NRG1: variants seen among roughly 807,000 people sequenced by gnomAD.
NRG1 encodes neuregulin 1.
A neutral mutation model predicts 63.8 loss-of-function variants in NRG1; 18 were observed. The ratio of observed to expected loss-of-function variants is 0.28; its 90% CI spans 0.19 to 0.42. NRG1 has a LOEUF of 0.42. Ranked by LOEUF, NRG1 falls within the 10% of genes least tolerant of loss-of-function variation. The pLI is 1.00. For synonymous variants in NRG1, 302 were observed against 301.3 expected (o/e 1.00, Z -0.02); for missense variants, 762 against 814.7 (o/e 0.94, Z 0.79).
chr8:32,052,420 C>T (rs571888527), intron 1 of NRG1, among the ~76,000 whole-genome samples: 3 of 151,924 alleles, frequency 2.0e-5, no homozygotes, highest in African/African-American at 7.2e-5. Flanking sequence ...GGACTACAGG[C>T]ATGTGCCACC....
At chr8:31,824,059 G>A (rs746001420) in intron 1 of NRG1, among the ~76,000 whole-genome samples, 4 of 151,512 alleles carry the variant, frequency 2.6e-5, no homozygotes, top group Non-Finnish European at 5.9e-5. Flanking sequence ...GGGTACATGT[G>A]CACAACGTGC....
chr8:32,260,710 G>A (rs546893662), intron 1 of NRG1, among the ~76,000 whole-genome samples: 11 of 152,250 alleles, frequency 7.2e-5, no homozygotes, highest in Admixed American at 2.0e-4. Flanking sequence ...TTAGTACTGC[G>A]TAGAGTAGGA....
chr8:31,665,599 T>G (rs1806447787), intron 1 of NRG1, among the ~76,000 whole-genome samples: 1 of 152,220 alleles, frequency 6.6e-6, no homozygotes, highest in Non-Finnish European at 1.5e-5. Flanking sequence ...ACTTGTAGCA[T>G]TTTAAACTAG....
chr8:32,376,305 C>T (rs1268565526), intron 1 of NRG1, among the ~76,000 whole-genome samples: 2 of 152,192 alleles, frequency 1.3e-5, no homozygotes, highest in Non-Finnish European at 2.9e-5. Flanking sequence ...TCCCTTTTAT[C>T]TGCCCTGTGT....
intron 1 of NRG1, among the ~76,000 whole-genome samples, chr8:31,826,272 C>T (rs1306478951): frequency 6.6e-6 from 1 of 152,092 alleles, no homozygotes; most frequent in Non-Finnish European, 1.5e-5. Context: ...GGCTGTGTCC[C>T]CACCCAAATC....
chr8:32,227,902 A>T (rs1846503808), intron 1 of NRG1, among the ~76,000 whole-genome samples: 1 of 152,214 alleles, frequency 6.6e-6, no homozygotes, highest in Admixed American at 6.5e-5. Flanking sequence ...CTGTTCAGAA[A>T]TACGAGGTTT....
At chr8:32,129,879 G>A (rs372492740) in intron 1 of NRG1, among the ~76,000 whole-genome samples, 259 of 151,940 alleles carry the variant, frequency 1.7e-3, no homozygotes, top group Middle Eastern at 3.4e-3. Flanking sequence ...ATATTGTGTC[G>A]TTTGTCTAAA....
At chr8:32,665,662 A>G (rs1426577342) in intron 5 of NRG1, among the ~76,000 whole-genome samples, 1 of 152,220 alleles carries the variant, frequency 6.6e-6, no homozygotes, top group Non-Finnish European at 1.5e-5. Context: ...CTGCTAAATG[A>G]AAGGGTGCAA....
At chr8:32,508,292 GC>G (rs1828776908) in intron 1 of NRG1, among the ~76,000 whole-genome samples, 2 of 106,976 alleles carry the variant, frequency 1.9e-5, no homozygotes, top group East Asian at 8.9e-4. Context: ...CAATATAAGG[GC>G]CATTTTTTTT....
chr8:32,493,949 G>A (rs1179394296), intron 1 of NRG1, among the ~76,000 whole-genome samples: 2 of 152,102 alleles, frequency 1.3e-5, no homozygotes, highest in Non-Finnish European at 2.9e-5. Context: ...TGTTTTCAAG[G>A]AAATGGTAGC....
chr8:32,572,635 A>G lies in NRG1; in HGVS notation c.101-23193A>G, dbSNP rs540881188. Among the ~76,000 whole-genome samples the G allele has an allele frequency of 1.5e-4, 23 of 152,316 alleles. 1 individual carries two copies. The highest frequency in any genetic ancestry group is 5.5e-4 in the African/African-American group (23 of 41,570). On this transcript the variant is annotated intron_variant, in intron 1 of 11. Coordinates refer to ENST00000356819, the Ensembl canonical transcript of NRG1. ...ATAACCTCTCAAATTTAAACAGGATAGAATATTTTATGTTACTAATACAGC... is the reference window on the plus strand; with the variant it reads ...ATAACCTCTCAAATTTAAACAGGATGGAATATTTTATGTTACTAATACAGC...
chr8:31,722,664 T>C (rs1195204754), intron 1 of NRG1, among the ~76,000 whole-genome samples: 3 of 152,156 alleles, frequency 2.0e-5, no homozygotes, highest in African/African-American at 7.2e-5. Context: ...CTCTCAAACA[T>C]GACCAAGACT....
intron 1 of NRG1, among the ~76,000 whole-genome samples, chr8:32,064,899 T>G (rs1481194631): frequency 6.6e-6 from 1 of 152,068 alleles, no homozygotes; most frequent in Non-Finnish European, 1.5e-5. Context: ...GCAAAATAAT[T>G]TATTGGAGAA....
At chr8:31,800,034 C>T (rs1041485515) in intron 1 of NRG1, among the ~76,000 whole-genome samples, 2 of 152,170 alleles carry the variant, frequency 1.3e-5, no homozygotes, top group Non-Finnish European at 2.9e-5. Context: ...TTGGAAACAT[C>T]GTCATCTGTT....
intron 1 of NRG1, among the ~76,000 whole-genome samples, chr8:32,327,576 G>A (rs919385974): frequency 2.6e-5 from 4 of 152,208 alleles, no homozygotes; most frequent in African/African-American, 9.6e-5. Flanking sequence ...ATAAGTTATA[G>A]TTGAATCTTC....
intron 1 of NRG1, among the ~76,000 whole-genome samples, chr8:32,281,281 A>AT (rs1852809097): frequency 6.9e-6 from 1 of 144,122 alleles, no homozygotes; most frequent in Non-Finnish European, 1.5e-5. Flanking sequence ...AGTTCAAGCG[A>AT]TTCCCCCTGC....
intron 1 of NRG1, among the ~76,000 whole-genome samples, chr8:32,073,669 C>G (rs1826080440): frequency 6.6e-6 from 1 of 152,138 alleles, no homozygotes; most frequent in Admixed American, 6.5e-5. Context: ...TGCTAACAGT[C>G]ATTTAGGCTG....
chr8:32,373,755 G>A (rs924050642), intron 1 of NRG1, among the ~76,000 whole-genome samples: 3 of 152,136 alleles, frequency 2.0e-5, no homozygotes, highest in East Asian at 3.9e-4. Context: ...TCCAGCCTGG[G>A]TGACAGAGCG....
At position 32,481,639 on chromosome 8, in the gene NRG1, G is replaced by A. The variant is rs563434359; in HGVS notation, c.38-114189G>A. The stretch of plus-strand genomic sequence containing the variant: ...CTAATGGTTGCATTATCTTGGGCAA[G>A]TCATTTAACATCTCTGCCTTAATTG... On this transcript the variant is annotated intron_variant, in intron 1 of 10. Coordinates refer to the NRG1 transcript ENST00000519301. Among the ~76,000 whole-genome samples, 25 of 152,360 alleles carry A rather than the reference G, an allele frequency of 1.6e-4. No individual in the cohort carries two copies. In the South Asian group the frequency reaches 5.2e-3, roughly 32 times the overall value.
Sources: gnomAD v4.1 joint callset for allele counts (sites outside exome capture counted in the v4.1 genomes callset) on GRCh38, gnomAD v4.1.1 for gene constraint, MANE v1.5 for transcripts, NCBI Gene and HGNC (gene_info 2026-07-23, HGNC 2026-07-21) for gene names.